Variants in STK38 observed in about 807,000 individuals in gnomAD.
The protein encoded by STK38 is serine/threonine kinase 38, also known as serine/threonine-protein kinase 38.
Under a neutral mutation model 59.0 loss-of-function variants are expected in STK38, and 26 were observed. The ratio of observed to expected loss-of-function variants is 0.44; its 90% confidence interval spans 0.32 to 0.61. STK38 has a LOEUF of 0.61. STK38 is among the 20% of genes least tolerant of loss of function. The pLI is 0.04. For missense variants in STK38, 433 were observed against 566.0 expected, an observed-to-expected ratio of 0.76 and a Z score of 2.38; for synonymous variants, 175 against 176.6, an observed-to-expected ratio of 0.99 and a Z score of 0.07.
chr6:36,542,002 T>C (rs1034343469), intron 1 of STK38, among the ~76,000 whole-genome samples: 1 of 152,014 alleles, frequency 6.6e-6, no homozygotes, highest in Non-Finnish European at 1.5e-5. Context: ...CTAATTTTTT[T>C]TTTTGTATTT....
At chr6:36,536,409 G>GT (rs1327965696) in intron 2 of STK38, among the ~76,000 whole-genome samples, 7 of 152,120 alleles carry the variant, frequency 4.6e-5, no homozygotes, top group Non-Finnish European at 1.0e-4. Flanking sequence ...CGTAGCTAAC[G>GT]TAAGTCCAGC....
intron 7 of STK38, among the ~76,000 whole-genome samples, chr6:36,512,816 A>T (rs1777145791): frequency 6.6e-6 from 1 of 151,588 alleles, no homozygotes; most frequent in South Asian, 2.1e-4. Flanking sequence ...ACGTGCCACC[A>T]CACCCAGCTA....
intron 2 of STK38, among the ~76,000 whole-genome samples, chr6:36,536,871 G>GT (rs1437132479): frequency 6.6e-6 from 1 of 151,332 alleles, no homozygotes; most frequent in Non-Finnish European, 1.5e-5. Context: ...AAGAAGAAAG[G>GT]TTTTTTAGAA....
At chr6:36,515,636 GC>G (rs1777233087) in intron 6 of STK38, 144 bp from the exon 7 acceptor site, 1 of 1,399,744 alleles carries the variant, frequency 7.1e-7, no homozygotes, top group Admixed American at 2.8e-5. Flanking sequence ...TCTTCTGTGT[GC>G]CAGAGATAGA....
intron 9 of STK38, 33 bp downstream of exon 9, chr6:36,506,550 T>A (rs1776966369): frequency 5.6e-6 from 9 of 1,600,696 alleles, no homozygotes; most frequent in Non-Finnish European, 7.7e-6. Flanking sequence ...ATACTTGGTT[T>A]GTAGCATTTC....
chr6:36,496,163 C>A (rs1776700490), intron 13 of STK38, among the ~76,000 whole-genome samples: 1 of 151,812 alleles, frequency 6.6e-6, no homozygotes, highest in African/African-American at 2.4e-5. Flanking sequence ...TCTGCCTCAG[C>A]CTCCCCAGTA....
chr6:36,514,409 C>T (rs1777196004), intron 7 of STK38, among the ~76,000 whole-genome samples: 1 of 151,790 alleles, frequency 6.6e-6, no homozygotes, highest in Non-Finnish European at 1.5e-5. Flanking sequence ...AATAAATTTA[C>T]TTTTCACCTT....
chr6:36,524,170 A>C (rs1777451641), intron 4 of STK38, among the ~76,000 whole-genome samples, 171 bp downstream of exon 4: 2 of 152,356 alleles, frequency 1.3e-5, no homozygotes, highest in South Asian at 4.1e-4. Context: ...GGGACTGCGG[A>C]GAGAAGAAAA....
chr6:36,529,403 T>C (rs1021825780), intron 2 of STK38, among the ~76,000 whole-genome samples: 1 of 152,172 alleles, frequency 6.6e-6, no homozygotes. Context: ...TTGTTCATAA[T>C]GAAAAAGAAT....
chr6:36,539,851 A>AT (rs564104580), intron 2 of STK38, among the ~76,000 whole-genome samples: 3 of 147,204 alleles, frequency 2.0e-5, no homozygotes, highest in African/African-American at 7.6e-5. Flanking sequence ...CCCAAGTATC[A>AT]TTTTTTTTCT....
intron 5 of STK38, among the ~76,000 whole-genome samples, chr6:36,520,171 TGAG>T (rs1777346527): frequency 6.6e-6 from 1 of 152,176 alleles, no homozygotes. Flanking sequence ...TCTGTTAAGT[TGAG>T]GAGTTGAGTT....
At chr6:36,505,293 A>T (rs1164787044) in intron 9 of STK38, among the ~76,000 whole-genome samples, 1 of 152,212 alleles carries the variant, frequency 6.6e-6, no homozygotes, top group Admixed American at 6.5e-5. Context: ...AATCCTCAAC[A>T]AGATAAACCA....
intron 4 of STK38, among the ~76,000 whole-genome samples, chr6:36,522,852 T>A (rs1454035098): frequency 8.9e-5 from 2 of 22,390 alleles, no homozygotes; most frequent in African/African-American, 3.1e-4. Context: ...CAAGACTCTG[T>A]CTCAAAAAAA....
At chr6:36,523,588 G>C (rs1777435735) in intron 4 of STK38, among the ~76,000 whole-genome samples, 1 of 152,026 alleles carries the variant, frequency 6.6e-6, no homozygotes, top group South Asian at 2.1e-4. Flanking sequence ...ATAATATACT[G>C]CTCCTTTTAT....
In STK38 at chr6:36,541,940, T is replaced by A. The variant is rs138326068; in HGVS notation, c.-5-1733A>T. 1.9e-4 allele frequency among the ~76,000 whole-genome samples: 29 copies of A among 151,970 alleles called. No homozygotes were observed. The East Asian group carries it at 5.6e-3, about 29-fold the overall frequency. On this transcript the variant is annotated intron_variant, in intron 1 of 13. Transcript: ENST00000229812. ...GCCTCCCAGGTTCAAGCGATTCTCG[T>A]GTCTCAGCCTCCCAAGTAGTTAAGA...
intron 8 of STK38, among the ~76,000 whole-genome samples, chr6:36,507,208 C>G (rs1776984324): frequency 6.6e-6 from 1 of 151,942 alleles, no homozygotes; most frequent in African/African-American, 2.4e-5. Context: ...AGAACTGTTC[C>G]CAGGAGTTTT....
chr6:36,504,252 T>G (rs939148422), intron 9 of STK38, among the ~76,000 whole-genome samples: 21 of 152,226 alleles, frequency 1.4e-4, no homozygotes, highest in African/African-American at 5.1e-4. Context: ...AATCAGTTAC[T>G]GGGGCCTAAG....
chr6:36,523,153 C>G (rs186870886), intron 4 of STK38, among the ~76,000 whole-genome samples: 73 of 152,048 alleles, frequency 4.8e-4, no homozygotes, highest in Non-Finnish European at 9.1e-4. Flanking sequence ...AGAGGTGGTA[C>G]TATACTTTTC....
intron 2 of STK38, among the ~76,000 whole-genome samples, chr6:36,526,983 G>C (rs1777529609): frequency 6.6e-6 from 1 of 151,584 alleles, no homozygotes; most frequent in Admixed American, 6.6e-5. Context: ...CATAAATTCA[G>C]GAGTTCGAAA....
Sources: allele counts gnomAD v4.1 joint callset (sites outside exome capture counted in the v4.1 genomes callset), GRCh38; gene constraint gnomAD v4.1.1; transcripts MANE v1.5; gene names NCBI Gene and HGNC (gene_info 2026-07-23, HGNC 2026-07-21).